ARL17B: variants seen among roughly 807,000 people sequenced by gnomAD.
The protein encoded by ARL17B is ARF like GTPase 17B.
intron 4 of ARL17B, among the ~76,000 whole-genome samples, chr17:46,288,305 C>CTTTTTTTT (rs78255121): frequency 1.8e-5 from 2 of 112,260 alleles, no homozygotes; most frequent in Non-Finnish European, 3.4e-5. Flanking sequence ...CCAGGCCCGG[C>CTTTTTTTT]TTTTTTTTTT....
intron 4 of ARL17B, chr17:46,293,942 A>C (rs1218531133): frequency 8.5e-6 from 1 of 117,800 alleles, no homozygotes; most frequent in African/African-American, 2.7e-5. Flanking sequence ...GCTGAAGTGC[A>C]ATGTTGCGAT....
rs1314389097 is a variant in ARL17B at position 46,335,406 on chromosome 17, C to T, written c.*4094G>A. ...CTATGGAAGAATCAAAGCAGTGTTA[C>T]ACAGCATACAATTCCTGTCTTCAAA... On this transcript the variant is annotated 3_prime_UTR_variant, in exon 4 of 4. Transcript: ENST00000450673. 4 of 133,490 alleles carry T rather than the reference C, an allele frequency of 3.0e-5. 1 individual carries two copies. Among genetic ancestry groups the T allele is most frequent in the African/African-American group, 8.3e-5 (4 of 48,206 alleles). 8.3% of individuals were successfully genotyped at this position (133,490 alleles called of 1,614,324 possible). A position where few individuals can be genotyped will look rare whatever the true frequency, so the allele number is the denominator to read the frequency against.
downstream of ARL17B, chr17:46,330,967 C>T (rs760550644): frequency 1.2e-5 from 9 of 724,380 alleles, 2 homozygotes; most frequent in South Asian, 8.3e-5. Context: ...CGGGAAACGC[C>T]GTCTACACCA....
chr17:46,285,470 G>C (rs1358969028), intron 4 of ARL17B, among the ~76,000 whole-genome samples: 3 of 151,990 alleles, frequency 2.0e-5, no homozygotes, highest in Non-Finnish European at 4.4e-5. Flanking sequence ...TCAAACTCCT[G>C]ACCTCATGAT....
rs188214055 is a variant in ARL17B at position 46,324,878 on chromosome 17, G to A, written c.260-25213C>T. 4.4e-4 allele frequency among the ~76,000 whole-genome samples: 33 copies of A among 75,854 alleles called. 6 individuals carry two copies. The highest frequency in any genetic ancestry group is 1.1e-3 in the African/African-American group (32 of 29,844). 49.8% of individuals were successfully genotyped at this position (75,854 alleles called of 152,430 possible). ...TTTATATATATGTACGTGTATATAT[G>A]TATATGTATGCCTGCAGGGCCCTAT... On this transcript the variant is annotated intron_variant, in intron 3 of 4. Transcript: ENST00000434041.
intron 4 of ARL17B, among the ~76,000 whole-genome samples, chr17:46,288,572 A>G (rs547941836): frequency 6.6e-6 from 1 of 152,204 alleles, no homozygotes; most frequent in Non-Finnish European, 1.5e-5. Context: ...TCCTGAGATT[A>G]CAGGTGTGAG....
chr17:46,281,063 G>A (rs1398317336), intron 4 of ARL17B, among the ~76,000 whole-genome samples: 1 of 152,152 alleles, frequency 6.6e-6, no homozygotes, highest in Non-Finnish European at 1.5e-5. Context: ...TGTTGTAGCG[G>A]AAAAATCTGA....
intron 3 of ARL17B, among the ~76,000 whole-genome samples, chr17:46,341,141 C>T (rs1194687581): frequency 4.3e-5 from 2 of 46,812 alleles, no homozygotes; most frequent in Admixed American, 2.1e-4. Context: ...GTGAGCAGGG[C>T]GCTGAGGGTG....
At chr17:46,332,399 C>T (rs1338695509), downstream of ARL17B, among the ~76,000 whole-genome samples, 2 of 78,788 alleles carry the variant, frequency 2.5e-5, no homozygotes, top group South Asian at 4.1e-4. Context: ...GTCTAGTGAA[C>T]GGTGATTGCA....
intron 4 of ARL17B, among the ~76,000 whole-genome samples, chr17:46,287,443 C>T (rs1284038456): frequency 6.6e-6 from 1 of 152,182 alleles, no homozygotes; most frequent in Non-Finnish European, 1.5e-5. Context: ...GCGCAAACAC[C>T]AAGTAGAAGT....
chr17:46,284,789 G>A (rs561907809), intron 4 of ARL17B, among the ~76,000 whole-genome samples: 65 of 152,342 alleles, frequency 4.3e-4, no homozygotes, highest in African/African-American at 1.6e-3. Flanking sequence ...TTGAGACTAC[G>A]ATTCCCTTTT....
intron 4 of ARL17B, among the ~76,000 whole-genome samples, chr17:46,284,005 G>A (rs75405563): frequency 0.1 from 15,187 of 149,496 alleles, 801 homozygotes; most frequent in East Asian, 0.27. Flanking sequence ...GCCCTAAGGC[G>A]GTTTTTCCCT....
At chr17:46,285,441 C>A in intron 4 of ARL17B, among the ~76,000 whole-genome samples, 1 of 152,054 alleles carries the variant, frequency 6.6e-6, no homozygotes, top group Non-Finnish European at 1.5e-5. Context: ...GGGGTTTCAC[C>A]ATGTTGGCCA....
At chr17:46,278,409 T>A (rs548770924) in intron 4 of ARL17B, among the ~76,000 whole-genome samples, 21 of 104,862 alleles carry the variant, frequency 2.0e-4, no homozygotes, top group Middle Eastern at 5.7e-3. Flanking sequence ...TTGTTTTTTT[T>A]TTGTTGTTGT....
chr17:46,316,606 T>C (rs1249488906), intron 3 of ARL17B, among the ~76,000 whole-genome samples: 1 of 73,754 alleles, frequency 1.4e-5, no homozygotes, highest in African/African-American at 3.5e-5. Flanking sequence ...CAGTTTTTTT[T>C]GTTTTTGTTT....
intron 4 of ARL17B, among the ~76,000 whole-genome samples, chr17:46,280,552 T>C (rs2049734676): frequency 6.6e-6 from 1 of 150,662 alleles, no homozygotes; most frequent in Non-Finnish European, 1.5e-5. Context: ...ATTTGTTTCC[T>C]TATTTTTGAT....
intron 4 of ARL17B, among the ~76,000 whole-genome samples, chr17:46,276,790 C>CTTTTCTTTTTTTTTTT (rs2049598576): frequency 9.7e-5 from 13 of 134,264 alleles, no homozygotes; most frequent in Non-Finnish European, 1.8e-4. Flanking sequence ...TTCTTTTTTT[C>CTTTTCTTTTTTTTTTT]TTTTTTTTTT....
chr17:46,289,875 T>A (rs1200603275), intron 4 of ARL17B, among the ~76,000 whole-genome samples: 4 of 152,174 alleles, frequency 2.6e-5, no homozygotes, highest in Admixed American at 2.0e-4. Flanking sequence ...ATCCCAGCAG[T>A]TTGGGAGGCC....
chr17:46,286,919 A>T (rs2049936702), intron 4 of ARL17B, among the ~76,000 whole-genome samples: 1 of 152,226 alleles, frequency 6.6e-6, no homozygotes, highest in African/African-American at 2.4e-5. Flanking sequence ...ATGCCAACAC[A>T]TTCTCCATAA....
Sources: gnomAD v4.1 joint callset for allele counts (sites outside exome capture counted in the v4.1 genomes callset) on GRCh38, gnomAD v4.1.1 for gene constraint, MANE v1.5 for transcripts, NCBI Gene and HGNC (gene_info 2026-07-23, HGNC 2026-07-21) for gene names.